SNX18: variants seen among roughly 807,000 people sequenced by gnomAD.
SNX18 encodes sorting nexin 18.
SNX18 carries 35 observed loss-of-function variants against 48.7 expected under a neutral mutation model. That is an observed-to-expected ratio of 0.72 (90% CI 0.55 to 0.95). SNX18 has a LOEUF of 0.95. Ranked by LOEUF, SNX18 falls within the 40% of genes least tolerant of loss-of-function variation. SNX18 has a pLI of 0.00. For missense variants in SNX18, 824 were observed against 871.0 expected, an observed-to-expected ratio of 0.95 and a Z score of 0.68; for synonymous variants, 492 against 384.7, an observed-to-expected ratio of 1.28 and a Z score of -3.26.
At chr5:54,640,708 A>G in the SNX18 span, among the ~76,000 whole-genome samples, 1 of 152,256 alleles carries the variant, frequency 6.6e-6, no homozygotes, top group South Asian at 2.1e-4. Context: ...AGGGCTCTTC[A>G]ATAGAAGGGG....
chr5:54,638,263 T>C, the SNX18 span, among the ~76,000 whole-genome samples: 1 of 152,202 alleles, frequency 6.6e-6, no homozygotes, highest in Non-Finnish European at 1.5e-5. Flanking sequence ...TTTTGAAAGA[T>C]AGTGATCTTC....
At chr5:54,554,053 G>T in the SNX18 span, among the ~76,000 whole-genome samples, 9 of 152,214 alleles carry the variant, frequency 5.9e-5, no homozygotes, top group Non-Finnish European at 1.0e-4. Context: ...CCCATGCTCT[G>T]CCTGCTCACC....
In SNX18 at chr5:54,544,760, CAAAG is replaced by C. The variant is rs1229466158; in HGVS notation, c.*1330_*1333del. ...CAAAAGCAGCTTAATTTAAAAAGCA[CAAAG>C]AGATTCTGGCTTACAGTGCCCCAAT... On this transcript the variant is annotated 3_prime_UTR_variant, in exon 2 of 2. Transcript: ENST00000381410. 6.6e-6 allele frequency: 1 copy of C among 150,430 alleles called. No homozygotes were observed. The highest frequency in any genetic ancestry group is 2.0e-4 in the East Asian group (1 of 5,108). The allele number at this position is 150,430 out of a possible 1,614,324, so 9.3% of individuals were successfully genotyped here.
At chr5:54,602,656 A>G in the SNX18 span, among the ~76,000 whole-genome samples, 158 of 152,222 alleles carry the variant, frequency 1.0e-3, no homozygotes, top group African/African-American at 3.8e-3. Flanking sequence ...AACAGGAAGG[A>G]GAGGAAAGAA....
chr5:54,528,785 GA>G (rs1416595654), intron 1 of SNX18, among the ~76,000 whole-genome samples: 1 of 152,264 alleles, frequency 6.6e-6, no homozygotes, highest in South Asian at 2.1e-4. Flanking sequence ...GAAGAGTTTT[GA>G]AAACAAGTGG....
Position 54,518,312 on chromosome 5 carries a change from G to T in SNX18, c.360G>T (p.Gln120His). 1 of 1,533,298 alleles carries T rather than the reference G, an allele frequency of 6.5e-7. No individual in the cohort carries two copies. 95.0% of individuals were successfully genotyped at this position (1,533,298 alleles called of 1,614,324 possible). Residue 120 changes from glutamine (Q) to histidine (H), a missense_variant, in exon 1 of 2, where the codon CAG becomes CAT. Transcript: ENST00000381410. ...AGGCGCCGCCTCCGAGCACCTTCCA[G>T]CCGCCCGGCGCGGGCTTCCCGTACG... ...PQQAPPPSTFQPPGAGFPYGG... is the reference protein window; with the variant it reads ...PQQAPPPSTFHPPGAGFPYGG...
intron 1 of SNX18, among the ~76,000 whole-genome samples, chr5:54,532,100 C>G (rs1315098959): frequency 1.3e-5 from 2 of 152,150 alleles, no homozygotes; most frequent in Non-Finnish European, 2.9e-5. Flanking sequence ...CTGGCCCCAT[C>G]TAGAGGGACT....
the SNX18 span, among the ~76,000 whole-genome samples, chr5:54,581,252 C>T: frequency 2.0e-5 from 3 of 151,906 alleles, no homozygotes; most frequent in African/African-American, 7.3e-5. Flanking sequence ...TAGTTGCATG[C>T]CAAGTTATAT....
At chr5:54,540,964 G>A (rs1489539090) in intron 1 of SNX18, among the ~76,000 whole-genome samples, 1 of 151,958 alleles carries the variant, frequency 6.6e-6, no homozygotes, top group African/African-American at 2.4e-5. Context: ...CACATTCTCA[G>A]TCTTTCTGAA....
At chr5:54,572,759 TA>T in the SNX18 span, among the ~76,000 whole-genome samples, 1 of 108,118 alleles carries the variant, frequency 9.2e-6, no homozygotes, top group South Asian at 2.8e-4. Context: ...TGTGTGTATA[TA>T]TATATATATA....
chr5:54,608,765 C>G, the SNX18 span, among the ~76,000 whole-genome samples: 1 of 152,268 alleles, frequency 6.6e-6, no homozygotes, highest in Admixed American at 6.5e-5. Context: ...AAGTGTGCAT[C>G]ACTTTATTTT....
In SNX18 at chr5:54,518,318, C is replaced by T. The variant is rs1440085782; in HGVS notation, c.366C>T (p.Pro122=). The T allele has an allele frequency of 6.5e-7, 1 of 1,538,872 alleles. No homozygotes were observed. The highest frequency in any genetic ancestry group is 8.7e-7 in the Non-Finnish European group (1 of 1,145,744). ...QAPPPSTFQP[P]GAGFPYGGGA... is the part of the protein sequence containing the mutation. ...CGCCTCCGAGCACCTTCCAGCCGCC[C>T]GGCGCGGGCTTCCCGTACGGCGGGG... The change falls in exon 1 of 2, where the codon CCC becomes CCT. Residue 122 remains proline (P), a synonymous_variant. Coordinates refer to ENST00000381410, the MANE Select transcript of SNX18 (RefSeq NM_001102575.2).
chr5:54,538,687 T>G (rs1373405929), intron 1 of SNX18, among the ~76,000 whole-genome samples: 1 of 152,240 alleles, frequency 6.6e-6, no homozygotes, highest in African/African-American at 2.4e-5. Flanking sequence ...GCTTCAGATG[T>G]TGGAAGACCC....
intron 1 of SNX18, among the ~76,000 whole-genome samples, chr5:54,538,951 AT>A (rs1279229712): frequency 6.6e-6 from 1 of 152,220 alleles, no homozygotes; most frequent in Non-Finnish European, 1.5e-5. Flanking sequence ...ATCTTCCTTG[AT>A]TACACGTAGC....
chr5:54,639,334 G>A, the SNX18 span, among the ~76,000 whole-genome samples: 101,115 of 152,032 alleles, frequency 0.67, 33,990 homozygotes, highest in African/African-American at 0.74. Context: ...ATCCATACAT[G>A]TATTTGTAGA....
At chr5:54,522,404 A>G (rs1415343399) in intron 1 of SNX18, among the ~76,000 whole-genome samples, 1 of 152,218 alleles carries the variant, frequency 6.6e-6, no homozygotes, top group Admixed American at 6.5e-5. Context: ...TGAAAGTTCT[A>G]TTGGACAGTG....
downstream of SNX18, among the ~76,000 whole-genome samples, chr5:54,551,512 T>C (rs1250409248): frequency 6.6e-6 from 1 of 152,244 alleles, no homozygotes; most frequent in Non-Finnish European, 1.5e-5. Flanking sequence ...ATCATTTCTT[T>C]TTCTTACCAC....
At chr5:54,558,733 A>G in the SNX18 span, among the ~76,000 whole-genome samples, 1 of 152,124 alleles carries the variant, frequency 6.6e-6, no homozygotes, top group African/African-American at 2.4e-5. Context: ...GGCTCCTTAA[A>G]TTTCATGTAC....
chr5:54,635,454 T>A, the SNX18 span, among the ~76,000 whole-genome samples: 1 of 152,184 alleles, frequency 6.6e-6, no homozygotes, highest in African/African-American at 2.4e-5. Flanking sequence ...GCCTCTGATC[T>A]TCTTCTGCTC....
Sources: gnomAD v4.1 joint callset for allele counts (sites outside exome capture counted in the v4.1 genomes callset) on GRCh38, gnomAD v4.1.1 for gene constraint, MANE v1.5 for transcripts, NCBI Gene and HGNC (gene_info 2026-07-23, HGNC 2026-07-21) for gene names.